Variants in PRELID2 observed in about 807,000 individuals in gnomAD.
The protein encoded by PRELID2 is PRELI domain-containing protein 2.
PRELID2 carries 25 observed loss-of-function variants against 28.4 expected under a neutral mutation model. The observed-to-expected ratio is 0.88, with a 90% CI of 0.64 to 1.23. The LOEUF is 1.23. PRELID2 is among the 50% of genes most tolerant of loss of function. The probability of loss-of-function intolerance (pLI) is 0.00; values close to 1 mark genes in which losing one functional copy is unlikely to be tolerated. For synonymous variants in PRELID2, 76 were observed against 71.6 expected (o/e 1.06, Z -0.31); for missense variants, 201 against 214.4 (o/e 0.94, Z 0.39).
intron 1 of PRELID2, among the ~76,000 whole-genome samples, chr5:145,701,382 T>G (rs1354211998): frequency 1.3e-5 from 2 of 152,206 alleles, no homozygotes; most frequent in East Asian, 3.8e-4. Flanking sequence ...ATATAAAAAT[T>G]TTAGACAACA....
chr5:145,305,327 A>G, the PRELID2 span, among the ~76,000 whole-genome samples: 1 of 152,208 alleles, frequency 6.6e-6, no homozygotes, highest in Non-Finnish European at 1.5e-5. Flanking sequence ...AATCAGTAGT[A>G]CCAAGTACCT....
At chr5:145,259,404 C>T in the PRELID2 span, among the ~76,000 whole-genome samples, 28 of 152,152 alleles carry the variant, frequency 1.8e-4, no homozygotes, top group Non-Finnish European at 2.6e-4. Context: ...AAAATTAGCA[C>T]CAGGGGCTGA....
intron 1 of PRELID2, among the ~76,000 whole-genome samples, chr5:145,739,464 C>G (rs1049795930): frequency 6.6e-5 from 10 of 152,084 alleles, no homozygotes; most frequent in African/African-American, 1.9e-4. Context: ...GAGATTGCAC[C>G]ACTGCACTCT....
intron 1 of PRELID2, among the ~76,000 whole-genome samples, chr5:145,536,816 G>A (rs890288902): frequency 7.2e-5 from 11 of 151,834 alleles, no homozygotes; most frequent in African/African-American, 2.2e-4. Flanking sequence ...GTTATACTTT[G>A]TATGTCTTTT....
the PRELID2 span, among the ~76,000 whole-genome samples, chr5:145,431,101 C>T: frequency 7.2e-6 from 1 of 138,632 alleles, no homozygotes; most frequent in Non-Finnish European, 1.5e-5. Flanking sequence ...CAGAGAACCT[C>T]TTCTGACATT....
the PRELID2 span, among the ~76,000 whole-genome samples, chr5:145,365,968 G>T: frequency 6.6e-6 from 1 of 151,834 alleles, no homozygotes; most frequent in Non-Finnish European, 1.5e-5. Flanking sequence ...AGGCTCTCTA[G>T]ACATCCTGGC....
At chr5:145,513,749 T>G (rs1055433924) in intron 1 of PRELID2, among the ~76,000 whole-genome samples, 2 of 152,124 alleles carry the variant, frequency 1.3e-5, no homozygotes, top group African/African-American at 4.8e-5. Flanking sequence ...CCCAGAGGAA[T>G]GTCGGGTTAC....
intron 1 of PRELID2, among the ~76,000 whole-genome samples, chr5:145,496,790 T>A (rs1423523812): frequency 6.6e-6 from 1 of 152,146 alleles, no homozygotes; most frequent in Admixed American, 6.6e-5. Context: ...TCACTCCCCC[T>A]TGGTCCTTCA....
chr5:145,816,759 T>C (rs1754332577), intron 4 of PRELID2, among the ~76,000 whole-genome samples: 4 of 152,202 alleles, frequency 2.6e-5, no homozygotes, highest in Admixed American at 2.6e-4. Flanking sequence ...AGTTTAATTG[T>C]GGCAGTGGTG....
At chr5:145,734,569 C>A (rs909105165) in intron 1 of PRELID2, among the ~76,000 whole-genome samples, 1 of 152,152 alleles carries the variant, frequency 6.6e-6, no homozygotes, top group African/African-American at 2.4e-5. Flanking sequence ...AGTGATTATT[C>A]AGGATGCTGT....
At chr5:145,306,794 C>T in the PRELID2 span, among the ~76,000 whole-genome samples, 3 of 151,882 alleles carry the variant, frequency 2.0e-5, no homozygotes, top group African/African-American at 7.2e-5. Flanking sequence ...CTTATTGAAA[C>T]ATCACCAGTC....
chr5:145,313,203 G>T, the PRELID2 span, among the ~76,000 whole-genome samples: 1 of 152,058 alleles, frequency 6.6e-6, no homozygotes, highest in African/African-American at 2.4e-5. Flanking sequence ...ACAAATTAAT[G>T]CAGTTATACC....
intron 4 of PRELID2, 66 bp downstream of exon 4, chr5:145,817,828 T>A: frequency 7.7e-7 from 1 of 1,304,774 alleles, no homozygotes; most frequent in Non-Finnish European, 1.0e-6. Flanking sequence ...CATAGATTTT[T>A]AATGTATGTA....
At chr5:145,273,109 C>T in the PRELID2 span, among the ~76,000 whole-genome samples, 1 of 152,036 alleles carries the variant, frequency 6.6e-6, no homozygotes, top group Non-Finnish European at 1.5e-5. Context: ...AGGGAAACCA[C>T]TGAAAGATTT....
chr5:145,792,214 A>C (rs1752441433), intron 5 of PRELID2, among the ~76,000 whole-genome samples: 1 of 152,194 alleles, frequency 6.6e-6, no homozygotes, highest in Non-Finnish European at 1.5e-5. Flanking sequence ...GGGGTCAGAC[A>C]AGCTTGGGTT....
chr5:145,308,877 T>G, the PRELID2 span, among the ~76,000 whole-genome samples: 5 of 152,162 alleles, frequency 3.3e-5, no homozygotes, highest in Non-Finnish European at 7.3e-5. Flanking sequence ...TATCAACATT[T>G]TTTTCTTTAT....
At chr5:145,812,097 G>A (rs1324165990) in intron 4 of PRELID2, among the ~76,000 whole-genome samples, 1 of 152,074 alleles carries the variant, frequency 6.6e-6, no homozygotes, top group Non-Finnish European at 1.5e-5. Flanking sequence ...TGATTGGTCT[G>A]GGGGAGCAGG....
the PRELID2 span, among the ~76,000 whole-genome samples, chr5:145,260,669 A>G: frequency 6.6e-6 from 1 of 152,210 alleles, no homozygotes; most frequent in Non-Finnish European, 1.5e-5. Flanking sequence ...CACATCAGAG[A>G]AAAGGGCAGA....
the PRELID2 span, among the ~76,000 whole-genome samples, chr5:145,254,602 G>C: frequency 6.6e-6 from 1 of 152,020 alleles, no homozygotes; most frequent in Non-Finnish European, 1.5e-5. Flanking sequence ...AGGTCATGGG[G>C]GCCTTACACT....
Sources: allele counts gnomAD v4.1 joint callset (sites outside exome capture counted in the v4.1 genomes callset), GRCh38; gene constraint gnomAD v4.1.1; transcripts MANE v1.5; gene names NCBI Gene and HGNC (gene_info 2026-07-23, HGNC 2026-07-21).